Variants in CNKSR2 observed in about 807,000 individuals in gnomAD.
CNKSR2 encodes CNK homolog protein 2.
A neutral mutation model predicts 84.4 loss-of-function variants in CNKSR2; 14 were observed. The ratio of observed to expected loss-of-function variants is 0.17; its 90% CI spans 0.11 to 0.26. The LOEUF (loss-of-function observed/expected upper bound fraction) is 0.26. CNKSR2 is among the 10% of genes least tolerant of loss of function. CNKSR2 has a pLI of 1.00. For synonymous variants in CNKSR2, 275 were observed against 277.9 expected, an observed-to-expected ratio of 0.99 and a Z score of 0.10; for missense variants, 485 against 771.2, an observed-to-expected ratio of 0.63 and a Z score of 4.40.
At chrX:21,572,637 C>T (rs968094481) in intron 13 of CNKSR2, among the ~76,000 whole-genome samples, 4 of 111,179 alleles carry the variant, frequency 3.6e-5, no homozygotes, top group Admixed American at 9.6e-5. Context: ...CAGAGCAAAG[C>T]GGGAGAGGGG....
At chrX:21,628,574 C>T (rs1205780497) in intron 20 of CNKSR2, among the ~76,000 whole-genome samples, 1 of 112,034 alleles carries the variant, frequency 8.9e-6, no homozygotes, top group African/African-American at 3.2e-5. Context: ...TCTGTGCACC[C>T]ACAGGCTGAA....
intron 17 of CNKSR2, among the ~76,000 whole-genome samples, chrX:21,597,565 A>G (rs1275332673): frequency 9.0e-6 from 1 of 111,039 alleles, no homozygotes; most frequent in East Asian, 2.8e-4. Context: ...AAATAACCCT[A>G]TTCCTAATGT....
intron 1 of CNKSR2, among the ~76,000 whole-genome samples, chrX:21,412,869 G>T: frequency 9.0e-6 from 1 of 111,445 alleles, no homozygotes; most frequent in Non-Finnish European, 1.9e-5. Context: ...CATAAAATTT[G>T]CCATTTTAAC....
intron 1 of CNKSR2, among the ~76,000 whole-genome samples, chrX:21,388,532 C>T (rs779452577): frequency 2.1e-4 from 24 of 111,822 alleles, no homozygotes; most frequent in Admixed American, 5.7e-4. Flanking sequence ...ATGATGAGGG[C>T]ATGTAAAAGA....
At chrX:21,538,976 C>G (rs1366563918) in intron 11 of CNKSR2, 1 of 112,032 alleles carries the variant, frequency 8.9e-6, no homozygotes, top group East Asian at 2.8e-4. Context: ...AGTTCACTGA[C>G]TCAAATATTA....
chrX:21,645,057 A>G (rs752576708), intron 20 of CNKSR2: 11 of 111,742 alleles, frequency 9.8e-5, no homozygotes, highest in Non-Finnish European at 1.9e-4. Flanking sequence ...GCTTTCAGTT[A>G]TCACTTACTA....
intron 1 of CNKSR2, among the ~76,000 whole-genome samples, chrX:21,417,427 C>T (rs1434950949): frequency 9.0e-6 from 1 of 111,511 alleles, no homozygotes; most frequent in Non-Finnish European, 1.9e-5. Flanking sequence ...TCTGTTAGGT[C>T]CATTTGTTCT....
intron 8 of CNKSR2, chrX:21,505,377 A>C (rs2091602508): frequency 9.0e-6 from 1 of 111,564 alleles, no homozygotes; most frequent in African/African-American, 3.3e-5. Context: ...AGGATACTGG[A>C]ATGGAAAATA....
intron 13 of CNKSR2, among the ~76,000 whole-genome samples, chrX:21,570,876 C>G (rs1432321250): frequency 8.9e-6 from 1 of 112,151 alleles, no homozygotes; most frequent in Non-Finnish European, 1.9e-5. Context: ...CTGCTAGCTT[C>G]CAACTTTGCT....
chrX:21,374,436 C>G lies in CNKSR2; in HGVS notation c.-462C>G. 3.4e-6 allele frequency: 1 copy of G among 293,952 alleles called. No individual in the cohort carries two copies. The highest frequency in any genetic ancestry group is 6.0e-6 in the Non-Finnish European group (1 of 167,061). The allele number at this position is 293,952 out of a possible 1,213,427, so 24.2% of individuals were successfully genotyped here. On this transcript the variant is annotated 5_prime_UTR_variant, in exon 1 of 22. Transcript: ENST00000379510. ...GCCCCTCGTCATTTCCGCCGGGCAGCTAGTCGTGCTCGGGGCTTCACTCCC... is the reference window on the plus strand; with the variant it reads ...GCCCCTCGTCATTTCCGCCGGGCAGGTAGTCGTGCTCGGGGCTTCACTCCC...
Position 21,437,224 on chromosome X carries a change from AAAAC to A in CNKSR2, c.432-3466_432-3463del, listed in dbSNP as rs1424164896. Among the ~76,000 whole-genome samples, 3 of 110,555 alleles carry A rather than the reference AAAAC, an allele frequency of 2.7e-5. No individual in the cohort carries two copies. In the Admixed American group the frequency reaches 2.9e-4, roughly 11 times the overall value. On this transcript the variant is annotated intron_variant, in intron 3 of 21. Transcript: ENST00000379510. ...TTCTTTTAAGTAGTTATGGTAAAAC[AAAAC>A]AAAACAAAACAAACATGCTGTGCAT...
intron 10 of CNKSR2, among the ~76,000 whole-genome samples, chrX:21,530,613 T>C (rs1401201504): frequency 4.5e-5 from 5 of 111,337 alleles, no homozygotes; most frequent in African/African-American, 1.6e-4. Flanking sequence ...GTTTTTCTGG[T>C]TTGACAGCAT....
chrX:21,416,623 C>T (rs1301752292), intron 1 of CNKSR2, among the ~76,000 whole-genome samples: 1 of 111,028 alleles, frequency 9.0e-6, no homozygotes, highest in Non-Finnish European at 1.9e-5. Flanking sequence ...TGTTATTGGC[C>T]TATTCAAGTT....
At chrX:21,592,709 A>G (rs2092428301) in intron 15 of CNKSR2, 1 of 111,271 alleles carries the variant, frequency 9.0e-6, no homozygotes, top group Non-Finnish European at 1.9e-5. Context: ...TACTTTTGAC[A>G]TTTTTGTGGC....
At chrX:21,590,476 A>G in intron 13 of CNKSR2, 96 bp from the exon 14 acceptor site, 1 of 776,348 alleles carries the variant, frequency 1.3e-6, no homozygotes, top group Non-Finnish European at 1.9e-6. Context: ...CAGTGTTTAG[A>G]GTCATCATTT....
chrX:21,539,775 T>C (rs1018021257), intron 11 of CNKSR2, among the ~76,000 whole-genome samples: 2 of 111,747 alleles, frequency 1.8e-5, no homozygotes, highest in African/African-American at 3.3e-5. Context: ...ATAGTCACTC[T>C]TGTATTCTCC....
chrX:21,543,339 G>A (rs1339498458), intron 11 of CNKSR2, among the ~76,000 whole-genome samples: 1 of 112,383 alleles, frequency 8.9e-6, no homozygotes, highest in Non-Finnish European at 1.9e-5. Flanking sequence ...ATTCAAAGAT[G>A]AAGAAATGTG....
intron 4 of CNKSR2, among the ~76,000 whole-genome samples, chrX:21,447,573 G>A (rs2090871630): frequency 9.0e-6 from 1 of 111,177 alleles, no homozygotes. Context: ...TGATCCTCAT[G>A]AGTGATAAAA....
intron 1 of CNKSR2, among the ~76,000 whole-genome samples, chrX:21,375,705 G>T (rs2089801697): frequency 8.9e-6 from 1 of 112,258 alleles, no homozygotes; most frequent in African/African-American, 3.2e-5. Flanking sequence ...AGGGCTCAAC[G>T]CCAGATGTAA....
Sources: allele counts gnomAD v4.1 joint callset (sites outside exome capture counted in the v4.1 genomes callset), GRCh38; gene constraint gnomAD v4.1.1; transcripts MANE v1.5; gene names NCBI Gene and HGNC (gene_info 2026-07-23, HGNC 2026-07-21).